CNTN4: variants seen among roughly 807,000 people sequenced by gnomAD.
CNTN4 encodes the protein contactin-4.
CNTN4 carries 77 observed loss-of-function variants against 122.5 expected under a neutral mutation model. The ratio of observed to expected loss-of-function variants is 0.63; its 90% CI spans 0.52 to 0.76. The LOEUF is 0.76. Ranked by LOEUF, CNTN4 falls within the 30% of genes least tolerant of loss-of-function variation. The pLI is 0.00. For missense variants in CNTN4, 1,256 were observed against 1,259.1 expected (o/e 1.00, Z 0.04); for synonymous variants, 512 against 447.0 (o/e 1.15, Z -1.83).
intron 4 of CNTN4, among the ~76,000 whole-genome samples, chr3:2,726,056 C>T (rs756590098): frequency 6.6e-6 from 1 of 152,142 alleles, no homozygotes. Flanking sequence ...TGTTCCAGAG[C>T]TGAAACGATG....
intron 24 of CNTN4, among the ~76,000 whole-genome samples, chr3:3,054,692 G>T (rs1185153159): frequency 6.6e-6 from 1 of 152,166 alleles, no homozygotes; most frequent in Non-Finnish European, 1.5e-5. Context: ...GGCAGTGGCT[G>T]GTCAGTGGGG....
At chr3:2,896,725 T>G (rs906157287) in intron 10 of CNTN4, among the ~76,000 whole-genome samples, 2 of 152,122 alleles carry the variant, frequency 1.3e-5, no homozygotes, top group Non-Finnish European at 2.9e-5. Context: ...AGATAGAGAT[T>G]TGGGAAGCAT....
At chr3:2,961,151 A>AC (rs1169951944) in intron 13 of CNTN4, among the ~76,000 whole-genome samples, 1 of 136,260 alleles carries the variant, frequency 7.3e-6, no homozygotes, top group Non-Finnish European at 1.6e-5. Context: ...AATGGCGTGA[A>AC]CCCGGGAGGC....
At position 2,736,350 on chromosome 3, in the gene CNTN4, A is replaced by T. The variant is rs2089088168; in HGVS notation, c.182+9A>T. Reference sequence around the variant, plus strand: ...CCAAAACCTCATATCAGGTTTGTTGATGTAAAAGCATGTGTTTCCATGCAT... The same window carrying T: ...CCAAAACCTCATATCAGGTTTGTTGTTGTAAAAGCATGTGTTTCCATGCAT... On this transcript the variant is annotated intron_variant, in intron 5 of 24. Coordinates refer to ENST00000418658, the MANE Select transcript of CNTN4 (RefSeq NM_175607.3). 6.2e-7 allele frequency: 1 copy of T among 1,612,390 alleles called. No individual in the cohort carries two copies. Among genetic ancestry groups the T allele is most frequent in the Non-Finnish European group, 8.5e-7 (1 of 1,178,886 alleles).
At chr3:2,293,153 T>C (rs1436055765) in intron 2 of CNTN4, among the ~76,000 whole-genome samples, 2 of 152,202 alleles carry the variant, frequency 1.3e-5, no homozygotes, top group Admixed American at 1.3e-4. Context: ...TGATTGCAGA[T>C]ACCTAATTTT....
chr3:2,435,296 A>T (rs1229135705), intron 3 of CNTN4, among the ~76,000 whole-genome samples: 1 of 152,156 alleles, frequency 6.6e-6, no homozygotes, highest in Non-Finnish European at 1.5e-5. Flanking sequence ...CCTTATATAA[A>T]ATGGCATAGT....
At chr3:2,377,770 TGA>T (rs2045874912) in intron 3 of CNTN4, among the ~76,000 whole-genome samples, 1 of 111,628 alleles carries the variant, frequency 9.0e-6, no homozygotes, top group African/African-American at 3.6e-5. Flanking sequence ...GATTTTTTTG[TGA>T]TTATTTTTTT....
At chr3:2,209,961 A>T (rs1411220782) in intron 2 of CNTN4, among the ~76,000 whole-genome samples, 1 of 152,066 alleles carries the variant, frequency 6.6e-6, no homozygotes, top group South Asian at 2.1e-4. Context: ...CTTTATTTTT[A>T]TTTTATTTTG....
chr3:2,529,586 C>T (rs2077522012), intron 3 of CNTN4, among the ~76,000 whole-genome samples: 1 of 151,970 alleles, frequency 6.6e-6, no homozygotes, highest in Non-Finnish European at 1.5e-5. Context: ...AACAACAGAG[C>T]CAATAAAATG....
chr3:2,211,417 A>G (rs1197734381), intron 2 of CNTN4, among the ~76,000 whole-genome samples: 1 of 152,174 alleles, frequency 6.6e-6, no homozygotes, highest in Non-Finnish European at 1.5e-5. Flanking sequence ...CTTTTTCTGT[A>G]GGTTCAGAGC....
rs1442377837 is a variant in CNTN4 at position 2,709,493 on chromosome 3, A to G, written c.56-26722A>G. Among the ~76,000 whole-genome samples, 2 of 152,328 alleles carry G rather than the reference A, an allele frequency of 1.3e-5. No individual in the cohort carries two copies. The highest frequency in any genetic ancestry group is 2.1e-4 in the South Asian group (1 of 4,834). On this transcript the variant is annotated intron_variant, in intron 4 of 24. Transcript: ENST00000418658. This position sits in a 1 kb window ranked among gnomAD's most constrained non-coding sequence, Gnocchi z 5.0. ...CTACTGAAACCTAATCCCCGCAATTACAGGGTTTTATATCGTTTGCCTCAG... is the reference window on the plus strand; with the variant it reads ...CTACTGAAACCTAATCCCCGCAATTGCAGGGTTTTATATCGTTTGCCTCAG...
At chr3:2,973,874 T>C (rs957247089) in intron 13 of CNTN4, among the ~76,000 whole-genome samples, 49 of 152,306 alleles carry the variant, frequency 3.2e-4, no homozygotes, top group Admixed American at 2.4e-3. Flanking sequence ...TTTATACTTA[T>C]TCATACCATT....
intron 2 of CNTN4, among the ~76,000 whole-genome samples, chr3:2,233,719 GT>G (rs2149560900): frequency 6.6e-6 from 1 of 152,018 alleles, no homozygotes; most frequent in East Asian, 1.9e-4. Context: ...GTTATTATCT[GT>G]TGCAGGGACA....
At chr3:2,149,422 T>G (rs1185186864) in intron 2 of CNTN4, among the ~76,000 whole-genome samples, 1 of 152,194 alleles carries the variant, frequency 6.6e-6, no homozygotes, top group Non-Finnish European at 1.5e-5. Context: ...AATTACCAAT[T>G]TGAGATGAAT....
At chr3:2,832,454 AC>A (rs1241085863) in intron 7 of CNTN4, among the ~76,000 whole-genome samples, 41 of 152,152 alleles carry the variant, frequency 2.7e-4, no homozygotes, top group Non-Finnish European at 5.6e-4. Context: ...GGGTTCAGTG[AC>A]CATGTAAAAT....
intron 3 of CNTN4, among the ~76,000 whole-genome samples, chr3:2,343,917 A>AT (rs2044300683): frequency 1.3e-5 from 2 of 152,160 alleles, no homozygotes; most frequent in Non-Finnish European, 2.9e-5. Context: ...GAAACTTACA[A>AT]TTATGACAGA....
intron 3 of CNTN4, among the ~76,000 whole-genome samples, chr3:2,358,479 A>G (rs2044971414): frequency 6.6e-6 from 1 of 151,752 alleles, no homozygotes; most frequent in Non-Finnish European, 1.5e-5. Context: ...TGGCATCTAG[A>G]ATGCTCTTGG....
intron 3 of CNTN4, among the ~76,000 whole-genome samples, chr3:2,363,389 C>G (rs11714994): frequency 1.3e-5 from 2 of 152,028 alleles, no homozygotes; most frequent in East Asian, 1.9e-4. Flanking sequence ...CTAAAATGCC[C>G]TAGTAGGTTA....
chr3:2,147,616 C>A (rs1308320498), intron 2 of CNTN4, among the ~76,000 whole-genome samples: 1 of 152,154 alleles, frequency 6.6e-6, no homozygotes, highest in Non-Finnish European at 1.5e-5. Flanking sequence ...TGAGGTCTTT[C>A]TCAGTCAGTG....
Sources: gnomAD v4.1 joint callset for allele counts (sites outside exome capture counted in the v4.1 genomes callset) on GRCh38, gnomAD v4.1.1 for gene constraint, Gnocchi (gnomAD v3.1) non-coding constraint, MANE v1.5 for transcripts, NCBI Gene and HGNC (gene_info 2026-07-23, HGNC 2026-07-21) for gene names.